Variants in USH2A observed in about 807,000 individuals in gnomAD.
USH2A encodes usherin, also known as Usher syndrome 2A (autosomal recessive, mild).
USH2A carries 443 observed loss-of-function variants against 538.9 expected under a neutral mutation model. That is an observed-to-expected ratio of 0.82 (90% CI 0.76 to 0.89). The LOEUF is 0.89. USH2A is among the 40% of genes least tolerant of loss of function. USH2A has a pLI of 0.00. For missense variants in USH2A, 6,633 were observed against 6,324.8 expected (o/e 1.05, Z -1.65); for synonymous variants, 2,413 against 2,273.5 (o/e 1.06, Z -1.75).
At chr1:216,132,142 T>G (rs982290560) in intron 21 of USH2A, among the ~76,000 whole-genome samples, 2 of 152,130 alleles carry the variant, frequency 1.3e-5, no homozygotes, top group Non-Finnish European at 2.9e-5. Flanking sequence ...ATGTGTCACT[T>G]TCATCTGTTC....
intron 61 of USH2A, among the ~76,000 whole-genome samples, chr1:215,699,959 T>G (rs866088618): frequency 1.4e-4 from 21 of 152,338 alleles, no homozygotes; most frequent in Middle Eastern, 3.4e-3. Flanking sequence ...TAAATAGCTC[T>G]TATTATTTTG....
intron 13 of USH2A, among the ~76,000 whole-genome samples, chr1:216,242,063 C>T (rs2035948755): frequency 6.6e-6 from 1 of 151,958 alleles, no homozygotes; most frequent in Non-Finnish European, 1.5e-5. Flanking sequence ...GCAAGGATTA[C>T]CTTATTCAAC....
intron 21 of USH2A, chr1:216,174,114 A>T (rs1427746842): frequency 1.0e-6 from 1 of 985,232 alleles, no homozygotes; most frequent in Non-Finnish European, 1.2e-6. Context: ...AAGGTGCATC[A>T]GCAGCCAGTC....
intron 60 of USH2A, among the ~76,000 whole-genome samples, chr1:215,734,015 A>C (rs576106825): frequency 3.7e-4 from 57 of 152,262 alleles, no homozygotes; most frequent in Admixed American, 3.3e-3. Context: ...TGGCTCCAAC[A>C]CCACACTTGC....
intron 32 of USH2A, among the ~76,000 whole-genome samples, chr1:216,043,225 T>C (rs2030365442): frequency 6.6e-6 from 1 of 152,032 alleles, no homozygotes; most frequent in Non-Finnish European, 1.5e-5. Context: ...CTGACTAGAG[T>C]TTCTTAACCC....
chr1:216,126,303 T>TA (rs1193894165), intron 21 of USH2A, among the ~76,000 whole-genome samples: 1 of 152,096 alleles, frequency 6.6e-6, no homozygotes, highest in Non-Finnish European at 1.5e-5. Context: ...AGCTCAGTGC[T>TA]ACCTCCACCT....
At chr1:216,323,137 T>C (rs1321560640) in intron 8 of USH2A, among the ~76,000 whole-genome samples, 2 of 151,752 alleles carry the variant, frequency 1.3e-5, no homozygotes, top group African/African-American at 4.8e-5. Flanking sequence ...GAAAATTATA[T>C]TCCAGAACAA....
intron 23 of USH2A, among the ~76,000 whole-genome samples, chr1:216,088,011 C>T (rs1475029216): frequency 1.3e-5 from 2 of 152,112 alleles, no homozygotes; most frequent in African/African-American, 2.4e-5. Context: ...TAATCTGATC[C>T]CTAATGGCCT....
intron 38 of USH2A, among the ~76,000 whole-genome samples, chr1:215,921,735 G>C (rs955510925): frequency 2.0e-5 from 3 of 152,040 alleles, no homozygotes; most frequent in Non-Finnish European, 4.4e-5. Context: ...CCTTTTACTA[G>C]TAAGATGACC....
intron 23 of USH2A, among the ~76,000 whole-genome samples, chr1:216,087,650 C>T (rs1370905209): frequency 6.6e-6 from 1 of 152,100 alleles, no homozygotes; most frequent in Non-Finnish European, 1.5e-5. Flanking sequence ...CAGGCATGAG[C>T]TAGATTTAGC....
intron 15 of USH2A, among the ~76,000 whole-genome samples, chr1:216,214,272 G>C (rs562308241): frequency 6.6e-6 from 1 of 152,066 alleles, no homozygotes; most frequent in South Asian, 2.1e-4. Flanking sequence ...ATTCATAGTA[G>C]ACCAATGCTG....
intron 67 of USH2A, among the ~76,000 whole-genome samples, chr1:215,644,450 A>G (rs2102639516): frequency 6.6e-6 from 1 of 152,248 alleles, no homozygotes; most frequent in East Asian, 1.9e-4. Context: ...AGGGAGGAGG[A>G]AAGGAGGGAG....
chr1:216,273,753 A>T (rs1163004564), intron 11 of USH2A, among the ~76,000 whole-genome samples: 1 of 151,318 alleles, frequency 6.6e-6, no homozygotes, highest in East Asian at 2.0e-4. Flanking sequence ...TAGTTTTGGC[A>T]GGGAGTTAAT....
chr1:216,233,331 G>GT (rs2102524749), intron 13 of USH2A, among the ~76,000 whole-genome samples: 1 of 152,232 alleles, frequency 6.6e-6, no homozygotes, highest in East Asian at 1.9e-4. Flanking sequence ...GTTCACTCAT[G>GT]TAAGTCAGGT....
chr1:215,796,800 A>C (rs1018204051), intron 50 of USH2A, among the ~76,000 whole-genome samples: 4 of 152,220 alleles, frequency 2.6e-5, no homozygotes, highest in Admixed American at 6.5e-5. Flanking sequence ...TCTCATGCCC[A>C]ACAGTTAGCC....
chr1:215,879,100 T>C lies in USH2A; in HGVS notation c.8224-2A>G. The C allele has an allele frequency of 6.2e-7, 1 of 1,611,446 alleles. No individual in the cohort carries two copies. Among genetic ancestry groups the C allele is most frequent in the Non-Finnish European group, 8.5e-7 (1 of 1,177,794 alleles). On this transcript the variant is annotated splice_acceptor_variant, in intron 41 of 71. Coordinates refer to ENST00000307340, the MANE Select transcript of USH2A (RefSeq NM_206933.4). LOFTEE classifies it high-confidence loss of function. ...GATGAGTGGGGGTTTCCAAGTGACC[T>C]GAAATGAAAGATAAACTTAGAATCA...
At position 216,078,332 on chromosome 1, in the gene USH2A, G is replaced by A. The variant is rs770329105; in HGVS notation, c.5329C>T (p.Arg1777Trp). ...MELKSGILTF[R>W]LNTSLAFTQV... ...GTAAAGGCAAGACTGGTATTTAACC[G>A]GAAGGTCAATATTCCACTTTTCAGC... Residue 1777 changes from arginine to tryptophan, a missense_variant, in exon 27 of 72, where the codon CGG becomes TGG. Physicochemically the swap from Arg to Trp is moderately radical, Grantham distance 101. Transcript: ENST00000307340. The A allele has an allele frequency of 1.1e-5, 17 of 1,613,492 alleles. No individual in the cohort carries two copies. Among genetic ancestry groups the A allele is most frequent in the East Asian group, 8.9e-5 (4 of 44,890 alleles).
chr1:216,240,522 A>T (rs1572082385), intron 13 of USH2A, among the ~76,000 whole-genome samples: 1 of 130,478 alleles, frequency 7.7e-6, no homozygotes, highest in South Asian at 2.3e-4. Flanking sequence ...CCAGGTCGTT[A>T]AAAAAAAAAA....
At chr1:216,151,779 C>G (rs1445366102) in intron 21 of USH2A, among the ~76,000 whole-genome samples, 1 of 152,174 alleles carries the variant, frequency 6.6e-6, no homozygotes, top group Non-Finnish European at 1.5e-5. Context: ...TAAAAAAACT[C>G]AAGGATAGAG....
Sources: gnomAD v4.1 joint callset for allele counts (sites outside exome capture counted in the v4.1 genomes callset) on GRCh38, gnomAD v4.1.1 for gene constraint, MANE v1.5 for transcripts, NCBI Gene and HGNC (gene_info 2026-07-23, HGNC 2026-07-21) for gene names.